EHD4: variants seen among roughly 807,000 people sequenced by gnomAD.
EHD4 encodes EH domain-containing protein 4.
A neutral mutation model predicts 51.0 loss-of-function variants in EHD4; 37 were observed. That is an observed-to-expected ratio of 0.73 (90% confidence interval 0.56 to 0.95). The LOEUF is 0.95. Ranked by LOEUF, EHD4 falls within the 40% of genes least tolerant of loss-of-function variation. The probability of loss-of-function intolerance (pLI) is 0.00; values close to 1 mark genes in which losing one functional copy is unlikely to be tolerated. For synonymous variants in EHD4, 297 were observed against 317.3 expected (o/e 0.94, Z 0.68); for missense variants, 632 against 733.1 (o/e 0.86, Z 1.59).
chr15:41,925,116 A>C (rs1330271485), intron 3 of EHD4, among the ~76,000 whole-genome samples: 2 of 152,182 alleles, frequency 1.3e-5, no homozygotes, highest in Non-Finnish European at 2.9e-5. Flanking sequence ...AAATTGACTT[A>C]AAAAGCAAAA....
At chr15:41,916,975 A>G (rs1195684862) in intron 4 of EHD4, among the ~76,000 whole-genome samples, 2 of 152,196 alleles carry the variant, frequency 1.3e-5, no homozygotes, top group African/African-American at 2.4e-5. Flanking sequence ...CAGAATACAG[A>G]GCAGCGTTCT....
intron 1 of EHD4, among the ~76,000 whole-genome samples, chr15:41,965,387 C>T (rs1345867701): frequency 1.3e-5 from 2 of 152,200 alleles, no homozygotes; most frequent in African/African-American, 4.8e-5. Flanking sequence ...TCATCTAAGT[C>T]ACTGAGAGAA....
chr15:41,914,675 C>T (rs183253618), intron 4 of EHD4, among the ~76,000 whole-genome samples: 70 of 152,176 alleles, frequency 4.6e-4, no homozygotes, highest in African/African-American at 1.6e-3. Flanking sequence ...AGAGCCCTGC[C>T]GAGGACTAGG....
At chr15:41,928,373 G>A (rs748295815) in intron 3 of EHD4, 2 of 152,124 alleles carry the variant, frequency 1.3e-5, no homozygotes, top group African/African-American at 2.4e-5. Flanking sequence ...ACTCAGAGAG[G>A]TTAAGTATCC....
At chr15:41,953,364 T>C (rs893901771) in intron 2 of EHD4, among the ~76,000 whole-genome samples, 12 of 152,202 alleles carry the variant, frequency 7.9e-5, no homozygotes, top group African/African-American at 2.9e-4. Flanking sequence ...TTCCTTATAC[T>C]GTAAGCATTT....
chr15:41,935,450 C>T (rs1052898777), intron 3 of EHD4, among the ~76,000 whole-genome samples: 1 of 152,140 alleles, frequency 6.6e-6, no homozygotes, highest in African/African-American at 2.4e-5. Flanking sequence ...AACCTCTTTC[C>T]CCTTTCCACT....
At chr15:41,918,242 A>ACACACACACACACACGCGCG (rs1347109024) in intron 4 of EHD4, among the ~76,000 whole-genome samples, 3 of 130,480 alleles carry the variant, frequency 2.3e-5, no homozygotes, top group African/African-American at 8.4e-5. Flanking sequence ...ACACACACAC[A>ACACACACACACACACGCGCG]CGCGCATGTT....
rs2067449530 is a variant in EHD4 at position 41,897,824 on chromosome 15, C to T, written c.*2821G>A. On this transcript the variant is annotated 3_prime_UTR_variant, in exon 6 of 6. Coordinates refer to ENST00000220325, the MANE Select transcript of EHD4 (RefSeq NM_139265.4). Reference sequence around the variant, plus strand: ...CCTCAGCTTCTTAGATGTTGTAGTTCTAGAGTTTAGGTACTTCCACCCTCT... The same window carrying T: ...CCTCAGCTTCTTAGATGTTGTAGTTTTAGAGTTTAGGTACTTCCACCCTCT... 6.6e-6 allele frequency: 1 copy of T among 152,240 alleles called. No homozygotes were observed. The highest frequency in any genetic ancestry group is 1.5e-5 in the Non-Finnish European group (1 of 68,068). The allele number at this position is 152,240 out of a possible 1,614,324, so 9.4% of individuals were successfully genotyped here. A position where few individuals can be genotyped will look rare whatever the true frequency, so the allele number is the denominator to read the frequency against.
At position 41,972,489 on chromosome 15, in the gene EHD4, G is replaced by C. The variant is rs1595550001; in HGVS notation, c.6C>G (p.Phe2Leu). Residue 2 changes from phenylalanine to leucine, a missense_variant, in exon 1 of 6, where the codon TTC becomes TTG. Transcript: ENST00000220325. The part of the protein sequence containing the change: M[F>L]SWMGRQAGGR... ...CGCCCGCCTGCCGCCCCATCCAGCT[G>C]AACATCCTGCCGCCAGTCCACGCTC... is the stretch of plus-strand genomic sequence containing the variant. 1 of 1,522,120 alleles carries C rather than the reference G, an allele frequency of 6.6e-7. No individual in the cohort carries two copies. The highest frequency in any genetic ancestry group is 2.6e-5 in the East Asian group (1 of 38,578). The allele number at this position is 1,522,120 out of a possible 1,614,324, so 94.3% of individuals were successfully genotyped here.
At chr15:41,967,741 T>G (rs2067969472) in intron 1 of EHD4, among the ~76,000 whole-genome samples, 1 of 152,248 alleles carries the variant, frequency 6.6e-6, no homozygotes, top group African/African-American at 2.4e-5. Flanking sequence ...GAAGCAGGCC[T>G]TTGTTCCTAT....
At position 41,922,336 on chromosome 15, in the gene EHD4, T is replaced by C. The variant is rs1221843831; in HGVS notation, c.512-2714A>G. ...GCCAGGAGTTTGAGGCAGTGAGCCA[T>C]GGACCCACCACTATACTCCAGCCTG... On this transcript the variant is annotated intron_variant, in intron 3 of 5. Transcript: ENST00000220325. Among the ~76,000 whole-genome samples, 5 of 152,138 alleles carry C rather than the reference T, an allele frequency of 3.3e-5. No homozygotes were observed. In the East Asian group the frequency reaches 9.6e-4, roughly 29 times the overall value.
chr15:41,941,582 G>GGT (rs776959110), intron 3 of EHD4: 3 of 141,968 alleles, frequency 2.1e-5, no homozygotes, highest in East Asian at 2.0e-4. Flanking sequence ...GTTTTTTGGT[G>GGT]TTTTTTTTTT....
intron 2 of EHD4, among the ~76,000 whole-genome samples, chr15:41,945,136 C>T (rs186897434): frequency 3.3e-5 from 5 of 152,260 alleles, no homozygotes; most frequent in Admixed American, 1.3e-4. Flanking sequence ...TCAGATGGCC[C>T]GAGACATCTG....
chr15:41,928,350 G>T (rs2067676516), intron 3 of EHD4: 1 of 152,050 alleles, frequency 6.6e-6, no homozygotes, highest in Non-Finnish European at 1.5e-5. Context: ...CATTTTACAG[G>T]GGAGGAAAAA....
At chr15:41,961,345 AG>A (rs1234489750) in intron 1 of EHD4, among the ~76,000 whole-genome samples, 1 of 152,232 alleles carries the variant, frequency 6.6e-6, no homozygotes, top group Non-Finnish European at 1.5e-5. Flanking sequence ...AGTTTCTTAC[AG>A]TTCTATTTGT....
intron 1 of EHD4, among the ~76,000 whole-genome samples, chr15:41,959,395 CAAAAAAAAAAAAAA>C (rs36120701): frequency 6.0e-5 from 4 of 66,412 alleles, no homozygotes; most frequent in African/African-American, 2.1e-4. Flanking sequence ...GACTTTGTCT[CAAAAAAAAAAAAAA>C]AAAAAAAAAA....
intron 3 of EHD4, chr15:41,941,762 A>C (rs930076664): frequency 1.3e-5 from 2 of 152,104 alleles, no homozygotes; most frequent in Non-Finnish European, 2.9e-5. Flanking sequence ...AGCAGCAGAG[A>C]TGGCATTCCC....
At chr15:41,933,398 C>T (rs1193793481) in intron 3 of EHD4, among the ~76,000 whole-genome samples, 1 of 152,180 alleles carries the variant, frequency 6.6e-6, no homozygotes, top group East Asian at 1.9e-4. Flanking sequence ...GAACACAGAT[C>T]ATTCAGATTC....
intron 1 of EHD4, among the ~76,000 whole-genome samples, chr15:41,954,640 ATTTTT>A (rs926206685): frequency 6.7e-6 from 1 of 149,872 alleles, no homozygotes; most frequent in Non-Finnish European, 1.5e-5. Context: ...CTGAAAAAAA[ATTTTT>A]TTTTTTGAGA....
Sources: gnomAD v4.1 joint callset for allele counts (sites outside exome capture counted in the v4.1 genomes callset) on GRCh38, gnomAD v4.1.1 for gene constraint, MANE v1.5 for transcripts, NCBI Gene and HGNC (gene_info 2026-07-23, HGNC 2026-07-21) for gene names.